Variants in ESCO2 observed in about 807,000 individuals in gnomAD.
The protein encoded by ESCO2 is N-acetyltransferase ESCO2.
In ESCO2, 51 loss-of-function variants were observed where a neutral mutation model predicts 61.7. That is an observed-to-expected ratio of 0.83 (90% CI 0.66 to 1.04). ESCO2 has a LOEUF of 1.04. Ranked by LOEUF, ESCO2 falls within the 50% of genes least tolerant of loss-of-function variation. ESCO2 has a pLI of 0.00. For synonymous variants in ESCO2, 230 were observed against 238.2 expected (o/e 0.97, Z 0.32); for missense variants, 692 against 686.2 (o/e 1.01, Z -0.09).
At chr8:27,796,382 G>A (rs150375236) in intron 9 of ESCO2, among the ~76,000 whole-genome samples, 5 of 152,060 alleles carry the variant, frequency 3.3e-5, no homozygotes, top group Non-Finnish European at 5.9e-5. Context: ...TTCATTTTGC[G>A]AATCTTTTCT....
chr8:27,781,524 A>T (rs1804927278), intron 4 of ESCO2, among the ~76,000 whole-genome samples: 1 of 151,212 alleles, frequency 6.6e-6, no homozygotes, highest in African/African-American at 2.4e-5. Context: ...ATGTTATAAT[A>T]CTTTTGTCAA....
chr8:27,816,622 C>T (rs930187950), downstream of ESCO2, among the ~76,000 whole-genome samples: 9 of 151,682 alleles, frequency 5.9e-5, no homozygotes, highest in Non-Finnish European at 1.3e-4. Context: ...ATGATTTGCC[C>T]GCCTCGGCCT....
At chr8:27,772,654 C>T, upstream of ESCO2, 1 of 1,009,132 alleles carries the variant, frequency 9.9e-7, no homozygotes, top group Non-Finnish European at 1.5e-6. Flanking sequence ...CCGTGCACTT[C>T]CGGCGGACGT....
In ESCO2 at chr8:27,803,517, A is replaced by G. The variant is rs1469440651; in HGVS notation, c.*79A>G. The G allele has an allele frequency of 5.7e-6, 9 of 1,566,082 alleles. No individual in the cohort carries two copies. The highest frequency in any genetic ancestry group is 1.2e-5 in the South Asian group (1 of 86,806). On this transcript the variant is annotated 3_prime_UTR_variant, in exon 11 of 11. Coordinates refer to ENST00000305188, the MANE Select transcript of ESCO2 (RefSeq NM_001017420.3). ...TATTATAAAATACAAACTATTTAAT[A>G]TCAAAATAAAAAATACCGAGACTCA... is the stretch of plus-strand genomic sequence containing the variant.
chr8:27,801,511 T>C (rs1200461843), intron 10 of ESCO2, among the ~76,000 whole-genome samples: 1 of 152,228 alleles, frequency 6.6e-6, no homozygotes, highest in Non-Finnish European at 1.5e-5. Context: ...TGATTAGTTA[T>C]GAAATACTTT....
In ESCO2 at chr8:27,777,096, G is replaced by T. The variant is rs746369359; in HGVS notation, c.788G>T (p.Cys263Phe). The change falls in exon 3 of 11, where the codon TGC becomes TTC. Residue 263 changes from cysteine (C) to phenylalanine (F), a missense_variant. Cys to Phe is a radical substitution (Grantham distance 205, BLOSUM62 -2). Coordinates refer to ENST00000305188, the MANE Select transcript of ESCO2 (RefSeq NM_001017420.3). ...TTTGCGACAAGGCAAGTGCCAAAGT[G>T]CTTGGTCCTAGAAGAGAAATTGAAA... Reference protein sequence around the residue: ...KTFATRQVPKCLVLEEKLKIG... With the variant: ...KTFATRQVPKFLVLEEKLKIG... 1.2e-6 allele frequency: 2 copies of T among 1,601,312 alleles called. No homozygotes were observed. Among genetic ancestry groups the T allele is most frequent in the East Asian group, 4.5e-5 (2 of 44,836 alleles).
At position 27,788,827 on chromosome 8, in the gene ESCO2, T is replaced by C. The variant is rs1188245170; in HGVS notation, c.1132-20T>C. 6.2e-7 allele frequency: 1 copy of C among 1,613,980 alleles called. No individual in the cohort carries two copies. Among genetic ancestry groups the C allele is most frequent in the Admixed American group, 1.7e-5 (1 of 60,020 alleles). On this transcript the variant is annotated intron_variant, in intron 6 of 10. Transcript: ENST00000305188. ...TGTGCTATATTTAAATGGGTTTCTTTTTTTACCCCCCAATTATAGGACGCT... is the reference window on the plus strand; with the variant it reads ...TGTGCTATATTTAAATGGGTTTCTTCTTTTACCCCCCAATTATAGGACGCT...
chr8:27,773,958 A>G (rs1316393192), upstream of ESCO2, among the ~76,000 whole-genome samples: 1 of 152,242 alleles, frequency 6.6e-6, no homozygotes, highest in Non-Finnish European at 1.5e-5. Context: ...GGGAATGGCA[A>G]TAGATATTAA....
At chr8:27,781,816 T>G (rs1033180149) in intron 4 of ESCO2, among the ~76,000 whole-genome samples, 6 of 151,976 alleles carry the variant, frequency 3.9e-5, no homozygotes, top group African/African-American at 1.2e-4. Context: ...CCTCCCAGAG[T>G]GCTGGGATTA....
At chr8:27,817,648 T>A in the ESCO2 span, among the ~76,000 whole-genome samples, 1 of 152,196 alleles carries the variant, frequency 6.6e-6, no homozygotes, top group Non-Finnish European at 1.5e-5. Context: ...AAAATGCCTG[T>A]ACTGCCTAAT....
rs1478230133 is a variant in ESCO2, at chr8:27,803,295, T to G, written c.1674-11T>G. On this transcript the variant is annotated splice_polypyrimidine_tract_variant and intron_variant, in intron 10 of 10. Transcript: ENST00000305188. ...GCTTCCATCATTAAATCATCTTTTC[T>G]TCTCTTTTAGGAATTGCTTCATGTT... is the stretch of plus-strand genomic sequence containing the variant. 2 of 1,613,476 alleles carry G rather than the reference T, an allele frequency of 1.2e-6. No homozygotes were observed. The highest frequency in any genetic ancestry group is 4.5e-5 in the East Asian group (2 of 44,858).
intron 10 of ESCO2, among the ~76,000 whole-genome samples, chr8:27,802,674 A>ATATATATG (rs1563482499): frequency 8.2e-6 from 1 of 122,662 alleles, no homozygotes; most frequent in Non-Finnish European, 1.7e-5. Flanking sequence ...ATATATATAT[A>ATATATATG]GTTACTGCTT....
chr8:27,815,524 CAA>C (rs1585423289), downstream of ESCO2, among the ~76,000 whole-genome samples: 2 of 152,036 alleles, frequency 1.3e-5, no homozygotes, highest in South Asian at 4.2e-4. Context: ...GAATTCATGA[CAA>C]GAGAAAAGCC....
downstream of ESCO2, among the ~76,000 whole-genome samples, chr8:27,807,094 C>T (rs1236829315): frequency 6.6e-6 from 1 of 152,120 alleles, no homozygotes; most frequent in South Asian, 2.1e-4. Flanking sequence ...TAGAATCTTA[C>T]AGCTTTTTTG....
At chr8:27,802,630 A>AATATAT (rs1222665973) in intron 10 of ESCO2, among the ~76,000 whole-genome samples, 13 of 45,836 alleles carry the variant, frequency 2.8e-4, no homozygotes, top group East Asian at 2.1e-3. Context: ...AAAAAAAAAA[A>AATATAT]ATATATATAT....
intron 5 of ESCO2, among the ~76,000 whole-genome samples, chr8:27,785,808 C>T (rs1157446551): frequency 6.6e-6 from 1 of 151,390 alleles, no homozygotes. Flanking sequence ...TAATCTATTA[C>T]TTCAGATGAT....
chr8:27,792,159 G>A, intron 8 of ESCO2, 107 bp downstream of exon 8: 1 of 1,005,078 alleles, frequency 9.9e-7, no homozygotes, highest in African/African-American at 1.6e-5. Flanking sequence ...TTGGGTACCT[G>A]CTTAATGATT....
intron 4 of ESCO2, among the ~76,000 whole-genome samples, chr8:27,782,767 G>T (rs182934210): frequency 2.0e-5 from 3 of 151,090 alleles, no homozygotes; most frequent in African/African-American, 7.3e-5. Flanking sequence ...CACTGCACTC[G>T]GCCTAGAGTG....
rs1387223106 is a variant in ESCO2, at chr8:27,799,526, T to C, written c.1498-15T>C. 6.2e-7 allele frequency: 1 copy of C among 1,613,898 alleles called. No individual in the cohort carries two copies. The highest frequency in any genetic ancestry group is 8.5e-7 in the Non-Finnish European group (1 of 1,179,934). On this transcript the variant is annotated splice_polypyrimidine_tract_variant and intron_variant, in intron 9 of 10. Transcript: ENST00000305188. ...CTGTGGTGTTAGCTATAGATGCTTC[T>C]GTATATCATTGCAGGCATTTCGTGT...
Sources: allele counts gnomAD v4.1 joint callset (sites outside exome capture counted in the v4.1 genomes callset), GRCh38; gene constraint gnomAD v4.1.1; transcripts MANE v1.5; gene names NCBI Gene and HGNC (gene_info 2026-07-23, HGNC 2026-07-21).